The following PTPRD variants were observed in gnomAD, a reference collection of about 807,000 sequenced individuals.
The protein encoded by PTPRD is receptor-type tyrosine-protein phosphatase delta.
A neutral mutation model predicts 214.5 loss-of-function variants in PTPRD; 34 were observed. The ratio of observed to expected loss-of-function variants is 0.16; its 90% CI spans 0.12 to 0.21. The LOEUF (loss-of-function observed/expected upper bound fraction) is 0.21, where lower values mean the gene tolerates loss of function less well. Ranked by LOEUF, PTPRD falls within the 10% of genes least tolerant of loss-of-function variation. PTPRD has a pLI of 1.00. For missense variants in PTPRD, 2,545 were observed against 2,398.7 expected (o/e 1.06, Z -1.27); for synonymous variants, 1,128 against 845.7 (o/e 1.33, Z -5.79).
At chr9:10,320,918 G>C (rs1333428565) in intron 3 of PTPRD, among the ~76,000 whole-genome samples, 1 of 151,914 alleles carries the variant, frequency 6.6e-6, no homozygotes, top group Non-Finnish European at 1.5e-5. Context: ...TGTAGAAACA[G>C]GGTTTTTCCA....
chr9:10,475,158 G>A (rs1391033207), intron 2 of PTPRD, among the ~76,000 whole-genome samples: 1 of 152,000 alleles, frequency 6.6e-6, no homozygotes, highest in Non-Finnish European at 1.5e-5. Flanking sequence ...AGGAGACAGA[G>A]ACATGAAAAA....
intron 35 of PTPRD, among the ~76,000 whole-genome samples, chr9:8,424,023 A>G (rs1449676415): frequency 2.6e-5 from 4 of 152,172 alleles, no homozygotes; most frequent in African/African-American, 7.2e-5. Flanking sequence ...CAAACTTGCT[A>G]ATTTTTAATA....
intron 10 of PTPRD, among the ~76,000 whole-genome samples, chr9:9,156,571 A>G (rs1367481370): frequency 1.3e-5 from 2 of 152,144 alleles, no homozygotes; most frequent in Non-Finnish European, 2.9e-5. Context: ...CTATAGGAAT[A>G]CCAAGAGATT....
At chr9:9,299,058 G>A (rs534041984) in intron 9 of PTPRD, among the ~76,000 whole-genome samples, 1 of 151,664 alleles carries the variant, frequency 6.6e-6, no homozygotes, top group African/African-American at 2.4e-5. Context: ...TAATTATAAT[G>A]TAGATCCTGA....
intron 2 of PTPRD, among the ~76,000 whole-genome samples, chr9:10,432,079 T>C (rs1004376582): frequency 6.6e-6 from 1 of 151,776 alleles, no homozygotes; most frequent in African/African-American, 2.4e-5. Flanking sequence ...ATGTGGCACA[T>C]ATACAACATG....
At chr9:8,373,867 T>TG (rs1283442695) in intron 39 of PTPRD, among the ~76,000 whole-genome samples, 1 of 9,198 alleles carries the variant, frequency 1.1e-4, no homozygotes, top group Non-Finnish European at 2.7e-4. Context: ...TCTGTCTGTC[T>TG]ATCTATCTAT....
At chr9:9,746,202 C>T (rs2098456314) in intron 6 of PTPRD, among the ~76,000 whole-genome samples, 1 of 152,066 alleles carries the variant, frequency 6.6e-6, no homozygotes, top group Non-Finnish European at 1.5e-5. Flanking sequence ...ATGTTGTGAT[C>T]TTAAAGGGTA....
In PTPRD at chr9:8,455,683, A is replaced by T. The variant is rs927278552; in HGVS notation, c.3875+4728T>A. Reference sequence around the variant, plus strand: ...AAATGATGAAAATGATATCAAACACATTGGTTAATTCTTCTTATTCTTAAT... The same window carrying T: ...AAATGATGAAAATGATATCAAACACTTTGGTTAATTCTTCTTATTCTTAAT... On this transcript the variant is annotated intron_variant, in intron 33 of 45. Coordinates refer to ENST00000381196, the MANE Select transcript of PTPRD (RefSeq NM_002839.4). Among the ~76,000 whole-genome samples the T allele has an allele frequency of 2.6e-5, 4 of 152,312 alleles. No individual in the cohort carries two copies. In the East Asian group the frequency reaches 7.7e-4, roughly 29 times the overall value.
chr9:9,947,554 T>A (rs2092902577), intron 4 of PTPRD, among the ~76,000 whole-genome samples: 1 of 33,182 alleles, frequency 3.0e-5, no homozygotes, highest in Non-Finnish European at 4.1e-5. Flanking sequence ...ATATATATTA[T>A]ATATATATTT....
intron 8 of PTPRD, among the ~76,000 whole-genome samples, chr9:9,562,366 C>T (rs1477316609): frequency 6.6e-6 from 1 of 152,186 alleles, no homozygotes; most frequent in Non-Finnish European, 1.5e-5. Flanking sequence ...TTCTTATCTG[C>T]ATTACGGTAG....
intron 8 of PTPRD, among the ~76,000 whole-genome samples, chr9:9,457,797 G>A (rs1369557799): frequency 1.3e-5 from 2 of 151,892 alleles, no homozygotes; most frequent in African/African-American, 4.8e-5. Flanking sequence ...GTTTTACTGG[G>A]ACAAATTATG....
chr9:10,252,054 T>C (rs2092821119), intron 3 of PTPRD, among the ~76,000 whole-genome samples: 1 of 152,338 alleles, frequency 6.6e-6, no homozygotes, highest in South Asian at 2.1e-4. Context: ...TTGCTCATTC[T>C]ACCAATGTAT....
chr9:9,120,350 C>T (rs1307795486), intron 10 of PTPRD, among the ~76,000 whole-genome samples: 3 of 152,268 alleles, frequency 2.0e-5, no homozygotes, highest in Non-Finnish European at 2.9e-5. Flanking sequence ...ATGATATATG[C>T]CATCAGGCAC....
intron 11 of PTPRD, among the ~76,000 whole-genome samples, chr9:8,883,273 C>T (rs182596513): frequency 1.3e-4 from 20 of 152,256 alleles, no homozygotes; most frequent in Admixed American, 5.9e-4. Context: ...TAGCAACTAT[C>T]GTAAGGGTCT....
chr9:10,535,763 C>T (rs549245258), intron 2 of PTPRD, among the ~76,000 whole-genome samples: 1 of 152,178 alleles, frequency 6.6e-6, no homozygotes, highest in African/African-American at 2.4e-5. Context: ...AAACTGTGCA[C>T]AGCAAGTTGA....
At chr9:8,318,463 T>C (rs748240889) in intron 45 of PTPRD, among the ~76,000 whole-genome samples, 1 of 151,382 alleles carries the variant, frequency 6.6e-6, no homozygotes, top group Non-Finnish European at 1.5e-5. Context: ...GTTTGGACAG[T>C]AGAGCTTGCA....
At chr9:10,185,950 C>A (rs1196238587) in intron 3 of PTPRD, among the ~76,000 whole-genome samples, 2 of 152,098 alleles carry the variant, frequency 1.3e-5, no homozygotes, top group Non-Finnish European at 2.9e-5. Context: ...TGATTTCTAG[C>A]AGAGCCTTTT....
chr9:9,210,743 T>C (rs1309240816), intron 9 of PTPRD, among the ~76,000 whole-genome samples: 1 of 152,144 alleles, frequency 6.6e-6, no homozygotes, highest in Non-Finnish European at 1.5e-5. Context: ...AAACATCTCC[T>C]TTCTCTTTGG....
At chr9:9,301,022 T>C (rs1342420426) in intron 9 of PTPRD, among the ~76,000 whole-genome samples, 3 of 151,792 alleles carry the variant, frequency 2.0e-5, no homozygotes, top group African/African-American at 7.2e-5. Flanking sequence ...TTCATCTATG[T>C]CTCAATGGAG....
Sources: gnomAD v4.1 joint callset for allele counts (sites outside exome capture counted in the v4.1 genomes callset) on GRCh38, gnomAD v4.1.1 for gene constraint, MANE v1.5 for transcripts, NCBI Gene and HGNC (gene_info 2026-07-23, HGNC 2026-07-21) for gene names.